The following RNLS variants were observed in gnomAD, a reference collection of about 807,000 sequenced individuals.
The protein encoded by RNLS is renalase.
In RNLS, 39 loss-of-function variants were observed where a neutral mutation model predicts 39.8. That is an observed-to-expected ratio of 0.98 (90% CI 0.76 to 1.28). The LOEUF (loss-of-function observed/expected upper bound fraction) is 1.28, where lower values mean the gene tolerates loss of function less well. Among genes scored for constraint, RNLS ranks in the 50% most tolerant of loss-of-function variants. The probability of loss-of-function intolerance (pLI) is 0.00; values close to 1 mark genes in which losing one functional copy is unlikely to be tolerated. For missense variants in RNLS, 410 were observed against 413.3 expected (o/e 0.99, Z 0.07); for synonymous variants, 147 against 150.7 (o/e 0.98, Z 0.18).
chr10:88,288,762 C>T (rs1843461545), intron 6 of RNLS, among the ~76,000 whole-genome samples: 1 of 152,152 alleles, frequency 6.6e-6, no homozygotes, highest in Non-Finnish European at 1.5e-5. Flanking sequence ...AGCCAGTCGG[C>T]AGTTTGGATG....
chr10:88,448,477 G>C (rs1443093979), intron 4 of RNLS, among the ~76,000 whole-genome samples: 1 of 151,886 alleles, frequency 6.6e-6, no homozygotes, highest in Admixed American at 6.6e-5. Context: ...TTAGAATGGC[G>C]ATCATTAAAA....
the RNLS span, among the ~76,000 whole-genome samples, chr10:88,248,998 T>C: frequency 6.6e-6 from 1 of 152,208 alleles, no homozygotes; most frequent in Non-Finnish European, 1.5e-5. Flanking sequence ...AGTGTGCCAA[T>C]CCTGGGCCTG....
At chr10:88,178,063 G>A in the RNLS span, among the ~76,000 whole-genome samples, 2 of 152,190 alleles carry the variant, frequency 1.3e-5, no homozygotes, top group African/African-American at 4.8e-5. Context: ...TTCTGGAAGG[G>A]CACACATTGG....
chr10:88,515,651 G>A (rs1438914951), intron 4 of RNLS, among the ~76,000 whole-genome samples: 1 of 151,982 alleles, frequency 6.6e-6, no homozygotes, highest in African/African-American at 2.4e-5. Flanking sequence ...GATCATTAAG[G>A]GAAAAAACTA....
the RNLS span, among the ~76,000 whole-genome samples, chr10:88,173,524 C>G: frequency 3.9e-5 from 6 of 152,154 alleles, no homozygotes; most frequent in East Asian, 1.2e-3. Context: ...GTGAAGAATG[C>G]CATTGGTATT....
intron 5 of RNLS, among the ~76,000 whole-genome samples, chr10:88,354,928 T>C (rs1231427370): frequency 6.6e-6 from 1 of 152,238 alleles, no homozygotes; most frequent in Non-Finnish European, 1.5e-5. Context: ...TATTCTTTTT[T>C]CTCTAAACTT....
chr10:88,427,787 G>T (rs529113532), intron 4 of RNLS, among the ~76,000 whole-genome samples: 1 of 152,100 alleles, frequency 6.6e-6, no homozygotes, highest in South Asian at 2.1e-4. Context: ...CTGTGCATTT[G>T]ACATACTTTA....
At chr10:88,351,405 T>G (rs1848697163) in intron 5 of RNLS, among the ~76,000 whole-genome samples, 1 of 152,226 alleles carries the variant, frequency 6.6e-6, no homozygotes, top group African/African-American at 2.4e-5. Context: ...TTAATTTTTG[T>G]GTACGGTGTA....
chr10:88,315,799 T>A (rs529286223), intron 5 of RNLS, among the ~76,000 whole-genome samples: 1 of 149,994 alleles, frequency 6.7e-6, no homozygotes, highest in East Asian at 2.0e-4. Flanking sequence ...TTAATGAGAA[T>A]AAGTTAGTAG....
intron 4 of RNLS, among the ~76,000 whole-genome samples, chr10:88,488,407 A>G (rs539401947): frequency 1.3e-5 from 2 of 152,018 alleles, no homozygotes; most frequent in South Asian, 2.1e-4. Flanking sequence ...TTAGCTGGAC[A>G]TGGTGGTGCA....
chr10:88,573,912 G>T (rs1407130944), intron 3 of RNLS, among the ~76,000 whole-genome samples: 3 of 152,152 alleles, frequency 2.0e-5, no homozygotes, highest in African/African-American at 7.2e-5. Flanking sequence ...AGGCTGAAGT[G>T]GGTGGATCAC....
At chr10:88,419,854 C>T (rs1200805332) in intron 4 of RNLS, among the ~76,000 whole-genome samples, 1 of 151,558 alleles carries the variant, frequency 6.6e-6, no homozygotes, top group African/African-American at 2.4e-5. Context: ...AAAAAAAGTA[C>T]AAAAAATTAG....
intron 4 of RNLS, among the ~76,000 whole-genome samples, chr10:88,423,175 C>G (rs1854509763): frequency 6.6e-6 from 1 of 152,202 alleles, no homozygotes; most frequent in Non-Finnish European, 1.5e-5. Flanking sequence ...TCCAAACCAT[C>G]CTACATGAAA....
intron 5 of RNLS, among the ~76,000 whole-genome samples, chr10:88,339,788 G>C (rs1847797381): frequency 6.6e-6 from 1 of 151,996 alleles, no homozygotes; most frequent in Non-Finnish European, 1.5e-5. Flanking sequence ...TTCATATATA[G>C]AAATAAGTTC....
At chr10:88,555,224 T>C (rs996792278) in intron 4 of RNLS, among the ~76,000 whole-genome samples, 1 of 152,074 alleles carries the variant, frequency 6.6e-6, no homozygotes, top group African/African-American at 2.4e-5. Flanking sequence ...TCCCTTCCCA[T>C]TTGTTTCTTG....
intron 4 of RNLS, among the ~76,000 whole-genome samples, chr10:88,409,105 G>A (rs919088413): frequency 6.6e-6 from 1 of 152,022 alleles, no homozygotes; most frequent in Non-Finnish European, 1.5e-5. Context: ...ATGAGAACAG[G>A]TAAAAATCTA....
At chr10:88,214,969 C>G in the RNLS span, among the ~76,000 whole-genome samples, 4 of 152,160 alleles carry the variant, frequency 2.6e-5, no homozygotes, top group African/African-American at 9.6e-5. Flanking sequence ...TCAAACCAAC[C>G]AAAACATCCT....
Position 88,372,070 on chromosome 10 carries a change from T to C in RNLS, c.527-9345A>G, listed in dbSNP as rs563864699. 2.0e-5 allele frequency among the ~76,000 whole-genome samples: 3 copies of C among 152,270 alleles called. No individual in the cohort carries two copies. The South Asian group carries it at 6.2e-4, about 32-fold the overall frequency. On this transcript the variant is annotated intron_variant, in intron 4 of 6. Coordinates refer to ENST00000331772, the MANE Select transcript of RNLS (RefSeq NM_001031709.3). ...TAATAGATCATGACTTTTGTTCCCA[T>C]AGGATAAAAATAAACAAGGCATTTT...
chr10:88,422,621 G>A lies in RNLS; in HGVS notation c.527-59896C>T, dbSNP rs144778094. 9.7e-4 allele frequency among the ~76,000 whole-genome samples: 147 copies of A among 152,230 alleles called. 3 individuals carry two copies. In the East Asian group the frequency reaches 0.021, roughly 22 times the overall value. ...TTTGGTTCAAAAGTGTTGCTATTTCGTGATTTGGCCCTCCTCAAGTGACAA... is the reference window on the plus strand; with the variant it reads ...TTTGGTTCAAAAGTGTTGCTATTTCATGATTTGGCCCTCCTCAAGTGACAA... On this transcript the variant is annotated intron_variant, in intron 4 of 6. Transcript: ENST00000331772.
Sources: gnomAD v4.1 joint callset for allele counts (sites outside exome capture counted in the v4.1 genomes callset) on GRCh38, gnomAD v4.1.1 for gene constraint, MANE v1.5 for transcripts, NCBI Gene and HGNC (gene_info 2026-07-23, HGNC 2026-07-21) for gene names.